Variants in ESRRB observed in about 807,000 individuals in gnomAD.
ESRRB encodes the protein steroid hormone receptor ERR2.
ESRRB carries 16 observed loss-of-function variants against 46.0 expected under a neutral mutation model. That is an observed-to-expected ratio of 0.35 (90% confidence interval 0.24 to 0.53). The LOEUF is 0.53. ESRRB is among the 20% of genes least tolerant of loss of function. The pLI is 0.93. For synonymous variants in ESRRB, 246 were observed against 259.6 expected (o/e 0.95, Z 0.50); for missense variants, 488 against 607.4 (o/e 0.80, Z 2.07).
At position 76,501,309 on chromosome 14, in the gene ESRRB, TTTG is replaced by T. The variant is rs1226561262; in HGVS notation, c.*2853_*2855del. 3 of 153,042 alleles carry T rather than the reference TTTG, an allele frequency of 2.0e-5. No homozygotes were observed. The highest frequency in any genetic ancestry group is 4.4e-5 in the Non-Finnish European group (3 of 68,610). 9.5% of individuals were successfully genotyped at this position (153,042 alleles called of 1,614,324 possible). ...TACGTTCTAAAGTTTCCAGACTGGCTTTGTCACTTTGTGAACTCGTCATGTGTG... is the reference window on the plus strand; with the variant it reads ...TACGTTCTAAAGTTTCCAGACTGGCTTCACTTTGTGAACTCGTCATGTGTG... On this transcript the variant is annotated 3_prime_UTR_variant, in exon 7 of 7. Coordinates refer to ENST00000644823, the MANE Select transcript of ESRRB (RefSeq NM_001379180.1).
chr14:76,464,258 A>G (rs2139995546), intron 3 of ESRRB, among the ~76,000 whole-genome samples: 1 of 152,294 alleles, frequency 6.6e-6, no homozygotes. Flanking sequence ...GGGGAAGGCT[A>G]GGAGTGGGCT....
At chr14:76,352,135 C>T (rs1202254358) in intron 1 of ESRRB, among the ~76,000 whole-genome samples, 2 of 152,028 alleles carry the variant, frequency 1.3e-5, no homozygotes, top group Non-Finnish European at 2.9e-5. Context: ...GCTCCACAGG[C>T]TGGAGTGAAC....
intron 1 of ESRRB, among the ~76,000 whole-genome samples, chr14:76,435,966 C>T (rs181618260): frequency 9.8e-5 from 15 of 152,334 alleles, no homozygotes; most frequent in African/African-American, 2.9e-4. Context: ...TAGTTAATAA[C>T]GGGCTTCCCG....
At chr14:76,360,113 G>T (rs888072082) in intron 1 of ESRRB, among the ~76,000 whole-genome samples, 1 of 152,166 alleles carries the variant, frequency 6.6e-6, no homozygotes, top group Admixed American at 6.5e-5. Flanking sequence ...GCCTGTGCCA[G>T]GGACTTCTCT....
intron 1 of ESRRB, chr14:76,310,959 G>C (rs116254528): frequency 2.2e-6 from 1 of 445,726 alleles, no homozygotes; most frequent in Non-Finnish European, 4.5e-6. Context: ...CAGACTCTGC[G>C]GGTCCTTTTC....
intron 1 of ESRRB, among the ~76,000 whole-genome samples, chr14:76,358,025 T>A (rs963290807): frequency 6.6e-6 from 1 of 151,762 alleles, no homozygotes; most frequent in Admixed American, 6.6e-5. Context: ...AAAAAAAAAA[T>A]TGCAGGCTGG....
At chr14:76,343,009 A>G (rs1884209718) in intron 1 of ESRRB, among the ~76,000 whole-genome samples, 1 of 152,194 alleles carries the variant, frequency 6.6e-6, no homozygotes, top group South Asian at 2.1e-4. Flanking sequence ...GACAGGGGAG[A>G]TGAAGGGATC....
At chr14:76,325,419 T>G (rs1883918764) in intron 1 of ESRRB, among the ~76,000 whole-genome samples, 1 of 152,176 alleles carries the variant, frequency 6.6e-6, no homozygotes, top group African/African-American at 2.4e-5. Flanking sequence ...TTGTCGTCTG[T>G]CTGGCTGCCT....
Position 76,318,478 on chromosome 14 carries a change from G to C in ESRRB, c.2+7562G>C, listed in dbSNP as rs1220635446. Among the ~76,000 whole-genome samples, 3 of 152,136 alleles carry C rather than the reference G, an allele frequency of 2.0e-5. No individual in the cohort carries two copies. In the East Asian group the frequency reaches 5.8e-4, roughly 29 times the overall value. ...TTAGACTAAATGATTCCCCCTAATG[G>C]TGACCTCCATGAAACAGTTTTGGTG... is the stretch of plus-strand genomic sequence containing the variant. On this transcript the variant is annotated intron_variant, in intron 1 of 6. Coordinates refer to the ESRRB transcript ENST00000512784.
At chr14:76,312,133 C>T (rs550694576) in intron 1 of ESRRB, among the ~76,000 whole-genome samples, 56 of 150,904 alleles carry the variant, frequency 3.7e-4, no homozygotes, top group Non-Finnish European at 6.9e-4. Context: ...GAACAATATC[C>T]TACAAAGAAA....
At chr14:76,473,408 CAG>C (rs1402665763) in intron 3 of ESRRB, among the ~76,000 whole-genome samples, 1 of 152,212 alleles carries the variant, frequency 6.6e-6, no homozygotes, top group East Asian at 1.9e-4. Context: ...ATCTTGACCT[CAG>C]ACCTGGATAG....
At chr14:76,486,996 T>A (rs1890046690) in intron 5 of ESRRB, among the ~76,000 whole-genome samples, 1 of 152,160 alleles carries the variant, frequency 6.6e-6, no homozygotes, top group Non-Finnish European at 1.5e-5. Context: ...AGTAAAGATA[T>A]CAGATGGGAC....
intron 1 of ESRRB, among the ~76,000 whole-genome samples, chr14:76,398,924 T>G (rs1885816791): frequency 1.3e-5 from 2 of 152,166 alleles, no homozygotes; most frequent in African/African-American, 4.8e-5. Flanking sequence ...CCTCTCTGTC[T>G]GCTGAGGGGA....
At position 76,336,456 on chromosome 14, in the gene ESRRB, G is replaced by A. The variant is rs958408570; in HGVS notation, c.2+25540G>A. 2.6e-5 allele frequency among the ~76,000 whole-genome samples: 4 copies of A among 152,226 alleles called. No homozygotes were observed. In the East Asian group the frequency reaches 7.7e-4, roughly 29 times the overall value. ...CTGGTCTTGGATGAAGGGGCAGAAA[G>A]GCCCATGACCTTGCCTCTGCACCTG... is the stretch of plus-strand genomic sequence containing the variant. On this transcript the variant is annotated intron_variant, in intron 1 of 6. Transcript: ENST00000512784.
At chr14:76,350,239 C>CT (rs1884297724) in intron 1 of ESRRB, among the ~76,000 whole-genome samples, 1 of 152,212 alleles carries the variant, frequency 6.6e-6, no homozygotes, top group Admixed American at 6.5e-5. Flanking sequence ...CTACTTCTCA[C>CT]TAAAGCATGT....
chr14:76,412,931 C>T (rs1886504764), intron 1 of ESRRB, among the ~76,000 whole-genome samples: 2 of 152,224 alleles, frequency 1.3e-5, no homozygotes, highest in South Asian at 4.2e-4. Context: ...GTCTGGGCAA[C>T]ATAGGGAGAC....
chr14:76,462,685 G>A, intron 3 of ESRRB, 24 bp downstream of exon 3: 1 of 1,556,196 alleles, frequency 6.4e-7, no homozygotes, highest in Non-Finnish European at 8.9e-7. Flanking sequence ...CCGAGTCGGG[G>A]TTCACTGTGA....
At chr14:76,437,537 T>G (rs1887726121) in intron 1 of ESRRB, among the ~76,000 whole-genome samples, 1 of 152,212 alleles carries the variant, frequency 6.6e-6, no homozygotes, top group Non-Finnish European at 1.5e-5. Context: ...GGCTGTCCTA[T>G]GACCTCCCTA....
At chr14:76,391,293 A>G (rs1885460114) in intron 1 of ESRRB, among the ~76,000 whole-genome samples, 1 of 152,200 alleles carries the variant, frequency 6.6e-6, no homozygotes, top group Non-Finnish European at 1.5e-5. Context: ...GGCCCCTGGA[A>G]TGAGGATTCA....
Sources: gnomAD v4.1 joint callset for allele counts (sites outside exome capture counted in the v4.1 genomes callset) on GRCh38, gnomAD v4.1.1 for gene constraint, MANE v1.5 for transcripts, NCBI Gene and HGNC (gene_info 2026-07-23, HGNC 2026-07-21) for gene names.